The following PKIB variants were observed in gnomAD, a reference collection of about 807,000 sequenced individuals.
PKIB encodes cAMP-dependent protein kinase inhibitor beta.
Under a neutral mutation model 4.5 loss-of-function variants are expected in PKIB, and 2 were observed. The ratio of observed to expected loss-of-function variants is 0.44; its 90% CI spans 0.18 to 1.39. PKIB has a LOEUF of 1.39. Ranked by LOEUF, PKIB falls within the 40% of genes most tolerant of loss-of-function variation. The probability of loss-of-function intolerance (pLI) is 0.27; values close to 1 mark genes in which losing one functional copy is unlikely to be tolerated. For missense variants in PKIB, 94 were observed against 92.6 expected (o/e 1.02, Z -0.06); for synonymous variants, 38 against 36.0 (o/e 1.06, Z -0.20).
At chr6:122,675,616 G>A (rs1252329229) in intron 3 of PKIB, among the ~76,000 whole-genome samples, 4 of 151,976 alleles carry the variant, frequency 2.6e-5, no homozygotes, top group African/African-American at 9.7e-5. Flanking sequence ...ATAATACTAA[G>A]GTCCATGCAG....
At chr6:122,606,902 T>C (rs1385578096), upstream of PKIB, among the ~76,000 whole-genome samples, 1 of 151,848 alleles carries the variant, frequency 6.6e-6, no homozygotes, top group Non-Finnish European at 1.5e-5. Flanking sequence ...CCTGCATCTC[T>C]TGGTCTTCCC....
intron 2 of PKIB, among the ~76,000 whole-genome samples, chr6:122,512,275 G>A (rs943539493): frequency 2.6e-5 from 4 of 152,048 alleles, no homozygotes; most frequent in Non-Finnish European, 4.4e-5. Flanking sequence ...ATATTCTTGG[G>A]ATCTGTGGCT....
chr6:122,545,675 A>G (rs1351770807), intron 2 of PKIB, among the ~76,000 whole-genome samples: 2 of 150,702 alleles, frequency 1.3e-5, no homozygotes, highest in African/African-American at 2.5e-5. Flanking sequence ...TTGAAAAACT[A>G]CCTATCAGGT....
intron 3 of PKIB, among the ~76,000 whole-genome samples, chr6:122,690,176 A>T (rs1778270099): frequency 1.3e-5 from 2 of 149,352 alleles, no homozygotes; most frequent in Non-Finnish European, 1.5e-5. Flanking sequence ...GCAACAGATC[A>T]TTGGGTCTTT....
At chr6:122,716,026 A>G (rs572567075) in intron 3 of PKIB, among the ~76,000 whole-genome samples, 2 of 152,264 alleles carry the variant, frequency 1.3e-5, no homozygotes, top group South Asian at 2.1e-4. Flanking sequence ...AAAAATGTTC[A>G]TGTAGTATTG....
chr6:122,606,486 C>T (rs989783736), upstream of PKIB, among the ~76,000 whole-genome samples: 19 of 151,068 alleles, frequency 1.3e-4, no homozygotes, highest in East Asian at 3.5e-3. Flanking sequence ...GCAGGAGAAT[C>T]GCTCGAACCC....
intron 2 of PKIB, among the ~76,000 whole-genome samples, chr6:122,674,028 A>G (rs1230406876): frequency 2.0e-5 from 3 of 152,168 alleles, no homozygotes; most frequent in African/African-American, 7.2e-5. Flanking sequence ...AAACTCAGCC[A>G]CAGGGGTGAC....
chr6:122,538,186 G>C (rs1319651851), intron 2 of PKIB, among the ~76,000 whole-genome samples: 3 of 152,066 alleles, frequency 2.0e-5, no homozygotes, highest in Non-Finnish European at 4.4e-5. Flanking sequence ...AGTTTAATTA[G>C]ATCCCATTTG....
At position 122,542,553 on chromosome 6, in the gene PKIB, C is replaced by T. The variant is rs1048543596; in HGVS notation, c.-247-43368C>T. Reference sequence around the variant, plus strand: ...AGTGGATCTTGGTGAACCACAAATGCTGCTGCCTGATCATTCCTCTGGAAG... The same window carrying T: ...AGTGGATCTTGGTGAACCACAAATGTTGCTGCCTGATCATTCCTCTGGAAG... On this transcript the variant is annotated intron_variant, in intron 2 of 6. Transcript: ENST00000392491. 4.1e-4 allele frequency among the ~76,000 whole-genome samples: 62 copies of T among 152,150 alleles called. 2 individuals are homozygous for T. The highest frequency in any genetic ancestry group is 1.4e-3 in the African/African-American group (56 of 41,438).
intron 2 of PKIB, among the ~76,000 whole-genome samples, chr6:122,507,233 G>A (rs2114572359): frequency 6.6e-6 from 1 of 152,170 alleles, no homozygotes; most frequent in South Asian, 2.1e-4. Flanking sequence ...TAAAGAGGGG[G>A]AACTGATAAC....
intron 2 of PKIB, among the ~76,000 whole-genome samples, chr6:122,665,847 G>A (rs937298775): frequency 6.6e-6 from 1 of 152,152 alleles, no homozygotes; most frequent in Admixed American, 6.5e-5. Flanking sequence ...GGAATGGCCT[G>A]TGACCTTGTG....
chr6:122,518,148 A>G (rs1776819487), intron 2 of PKIB, among the ~76,000 whole-genome samples: 1 of 152,172 alleles, frequency 6.6e-6, no homozygotes, highest in Non-Finnish European at 1.5e-5. Flanking sequence ...TTTGAATTTT[A>G]TATAATTTTT....
Position 122,529,091 on chromosome 6 carries a change from G to A in PKIB, c.-248+51152G>A, listed in dbSNP as rs191445221. ...TACTGATGATAAAAGAATTACAATT[G>A]CCATTTTGTTAACTGTTGTTTGTAT... On this transcript the variant is annotated intron_variant, in intron 2 of 6. Coordinates refer to the PKIB transcript ENST00000392491. 2.0e-5 allele frequency among the ~76,000 whole-genome samples: 3 copies of A among 152,140 alleles called. No homozygotes were observed. In the East Asian group the frequency reaches 5.8e-4, roughly 29 times the overall value.
intron 2 of PKIB, among the ~76,000 whole-genome samples, chr6:122,510,868 GGCAATAATAGGCGCA>G (rs1158488935): frequency 6.6e-6 from 1 of 152,070 alleles, no homozygotes; most frequent in Non-Finnish European, 1.5e-5. Flanking sequence ...CTGTGGGTTG[GGCAATAATAGGCGCA>G]GCAAGCCGAG....
In PKIB at chr6:122,717,808, C is replaced by G. The variant is rs1030424007; in HGVS notation, c.14C>G (p.Ser5Ter). 6 of 1,613,924 alleles carry G rather than the reference C, an allele frequency of 3.7e-6. No homozygotes were observed. Among genetic ancestry groups the G allele is most frequent in the Non-Finnish European group, 5.1e-6 (6 of 1,179,986 alleles). MRTD[S>*]SKMTDVESGV... is the part of the protein sequence containing the mutation. The stretch of plus-strand genomic sequence containing the variant: ...GTAGATGTTGCTATGAGGACAGATT[C>G]ATCAAAAATGACTGACGTGGAGTCT... The change falls in exon 4 of 5, where the codon TCA becomes TGA. Residue 5 changes from serine to a stop codon, truncating the protein, a stop_gained. Transcript: ENST00000368452. LOFTEE classifies it high-confidence loss of function.
chr6:122,707,871 G>A (rs940135550), intron 3 of PKIB, among the ~76,000 whole-genome samples: 2 of 152,122 alleles, frequency 1.3e-5, no homozygotes, highest in East Asian at 1.9e-4. Context: ...ACTGGATAGC[G>A]GGATGGCAAT....
At chr6:122,680,461 C>A (rs559492034) in intron 3 of PKIB, among the ~76,000 whole-genome samples, 26 of 152,168 alleles carry the variant, frequency 1.7e-4, no homozygotes, top group Admixed American at 1.1e-3. Context: ...TAGATAATTT[C>A]TTTATGGCCA....
intron 3 of PKIB, among the ~76,000 whole-genome samples, chr6:122,681,095 T>C (rs148204026): frequency 1.3e-5 from 2 of 152,300 alleles, no homozygotes; most frequent in Admixed American, 6.5e-5. Flanking sequence ...ATTTCTTCCT[T>C]TATATCTCAG....
intron 2 of PKIB, among the ~76,000 whole-genome samples, chr6:122,578,648 C>G (rs112612229): frequency 1.3e-3 from 194 of 152,242 alleles, no homozygotes; most frequent in African/African-American, 4.4e-3. Flanking sequence ...TTGCCTGGGC[C>G]CACAGAGCCT....
Sources: allele counts gnomAD v4.1 joint callset (sites outside exome capture counted in the v4.1 genomes callset), GRCh38; gene constraint gnomAD v4.1.1; transcripts MANE v1.5; gene names NCBI Gene and HGNC (gene_info 2026-07-23, HGNC 2026-07-21).